The following TTC6 variants were observed in gnomAD, a reference collection of about 807,000 sequenced individuals.
The protein encoded by TTC6 is tetratricopeptide repeat protein 6.
In TTC6, 172 loss-of-function variants were observed where a neutral mutation model predicts 210.4. The ratio of observed to expected loss-of-function variants is 0.82; its 90% CI spans 0.72 to 0.93. The LOEUF (loss-of-function observed/expected upper bound fraction) is 0.93. Among genes scored for constraint, TTC6 ranks in the 40% least tolerant of loss-of-function variants. The probability of loss-of-function intolerance (pLI) is 0.00; values close to 1 mark genes in which losing one functional copy is unlikely to be tolerated. For missense variants in TTC6, 2,414 were observed against 2,318.1 expected, an observed-to-expected ratio of 1.04 and a Z score of -0.85; for synonymous variants, 804 against 819.6, an observed-to-expected ratio of 0.98 and a Z score of 0.32.
Position 37,704,518 on chromosome 14 carries a change from A to G in TTC6, c.1571+2992A>G, listed in dbSNP as rs753718757. Among the ~76,000 whole-genome samples, 118 of 152,064 alleles carry G rather than the reference A, an allele frequency of 7.8e-4. 1 individual carries two copies. The highest frequency in any genetic ancestry group is 6.8e-3 in the Middle Eastern group (2 of 292). On this transcript the variant is annotated intron_variant, in intron 5 of 30. Transcript: ENST00000553443. ...TTCTTGTAAGGTTGCACATATTTTT[A>G]GATGTCTCTTGGTTATGTGCTTTTT...
chr14:37,727,291 ATTTTTTTTTTTTTTT>A (rs368293440), intron 7 of TTC6, among the ~76,000 whole-genome samples: 1 of 92,242 alleles, frequency 1.1e-5, no homozygotes, highest in South Asian at 3.8e-4. Context: ...TATTTTTCTA[ATTTTTTTTTTTTTTT>A]TTTTTTTTGA....
At chr14:37,719,881 A>G (rs1326906160) in intron 6 of TTC6, among the ~76,000 whole-genome samples, 1 of 152,100 alleles carries the variant, frequency 6.6e-6, no homozygotes, top group African/African-American at 2.4e-5. Context: ...TTTTTTCTCT[A>G]CAAAAGACCC....
intron 1 of TTC6, among the ~76,000 whole-genome samples, chr14:37,625,477 G>A (rs2095658671): frequency 6.6e-6 from 1 of 151,932 alleles, no homozygotes; most frequent in East Asian, 1.9e-4. Flanking sequence ...GAACCCGGGA[G>A]GCGGAGGTTG....
intron 20 of TTC6, among the ~76,000 whole-genome samples, chr14:37,803,346 G>T (rs1007060707): frequency 9.2e-5 from 14 of 152,070 alleles, no homozygotes; most frequent in African/African-American, 3.4e-4. Context: ...AAATTTTTTT[G>T]AATTATATAG....
chr14:37,680,285 C>T (rs956613355), intron 2 of TTC6, 24 bp downstream of exon 4: 17 of 1,408,520 alleles, frequency 1.2e-5, no homozygotes, highest in African/African-American at 2.9e-5. Flanking sequence ...TAAAAATCCT[C>T]CTTGCCTCTG....
chr14:37,732,681 C>G (rs1212707210), intron 7 of TTC6, among the ~76,000 whole-genome samples: 2 of 151,700 alleles, frequency 1.3e-5, no homozygotes, highest in Admixed American at 6.6e-5. Context: ...TGCAGTGGCA[C>G]AATCTCGGCT....
At chr14:37,787,889 C>CTCTGTGTG (rs71433929) in intron 15 of TTC6, among the ~76,000 whole-genome samples, 1 of 147,222 alleles carries the variant, frequency 6.8e-6, no homozygotes, top group African/African-American at 2.5e-5. Context: ...GTGTGTGTGT[C>CTCTGTGTG]TGTGTGTGTG....
chr14:37,696,743 C>T (rs537171931), exon 4 of TTC6: 7 of 1,461,938 alleles, frequency 4.8e-6, no homozygotes, highest in East Asian at 2.7e-5. Context: ...TCTTGCAAAT[C>T]GAAGGAAAAG....
intron 14 of TTC6, among the ~76,000 whole-genome samples, chr14:37,787,111 G>A (rs553784419): frequency 6.6e-6 from 1 of 152,178 alleles, no homozygotes; most frequent in South Asian, 2.1e-4. Context: ...GCTTTTCTAG[G>A]AAGCAATTTT....
chr14:37,628,834 G>T (rs2095664686), intron 1 of TTC6, among the ~76,000 whole-genome samples: 2 of 152,200 alleles, frequency 1.3e-5, no homozygotes, highest in South Asian at 4.1e-4. Context: ...TGGCTAGCCA[G>T]TTTTCCCAAC....
chr14:37,685,458 A>G (rs1483107244), intron 3 of TTC6, among the ~76,000 whole-genome samples: 1 of 152,182 alleles, frequency 6.6e-6, no homozygotes, highest in Non-Finnish European at 1.5e-5. Flanking sequence ...TTTGGAGCAA[A>G]GAGAGGGGGA....
chr14:37,772,155 G>A (rs573534619), intron 14 of TTC6, among the ~76,000 whole-genome samples: 1 of 152,186 alleles, frequency 6.6e-6, no homozygotes, highest in African/African-American at 2.4e-5. Context: ...GAGGCAGTCT[G>A]CCCGTTCTCA....
intron 1 of TTC6, among the ~76,000 whole-genome samples, chr14:37,605,626 A>G (rs983743375): frequency 6.6e-6 from 1 of 152,198 alleles, no homozygotes; most frequent in African/African-American, 2.4e-5. Flanking sequence ...TTTAGGCTAC[A>G]AAGCACATAC....
intron 1 of TTC6, among the ~76,000 whole-genome samples, chr14:37,634,356 G>A (rs1261936540): frequency 6.6e-6 from 1 of 152,116 alleles, no homozygotes; most frequent in African/African-American, 2.4e-5. Context: ...CTCAGCAAAT[G>A]GGTTCATTAG....
chr14:37,650,108 G>A (rs886077703), intron 1 of TTC6, among the ~76,000 whole-genome samples: 7 of 152,198 alleles, frequency 4.6e-5, no homozygotes, highest in African/African-American at 1.7e-4. Flanking sequence ...TCCCCTTTGT[G>A]AAAGCAGGTG....
intron 25 of TTC6, 109 bp from the exon 28 acceptor site, chr14:37,817,469 A>T (rs1358244390): frequency 1.2e-6 from 1 of 859,002 alleles, no homozygotes; most frequent in Non-Finnish European, 1.9e-6. Flanking sequence ...ATTTAGGAAG[A>T]TGTATATCTT....
At chr14:37,766,038 G>A (rs919517461) in intron 14 of TTC6, among the ~76,000 whole-genome samples, 1 of 152,000 alleles carries the variant, frequency 6.6e-6, no homozygotes, top group Non-Finnish European at 1.5e-5. Context: ...GTCTCTATGT[G>A]AAACTCTTTG....
At chr14:37,670,249 A>T (rs1323355847) in intron 1 of TTC6, among the ~76,000 whole-genome samples, 1 of 152,078 alleles carries the variant, frequency 6.6e-6, no homozygotes, top group Non-Finnish European at 1.5e-5. Flanking sequence ...AAAGCTCTTT[A>T]ATTTTCTGTA....
At chr14:37,689,990 A>C (rs2095800708) in intron 3 of TTC6, among the ~76,000 whole-genome samples, 1 of 152,198 alleles carries the variant, frequency 6.6e-6, no homozygotes, top group Non-Finnish European at 1.5e-5. Context: ...ACAAAAAATA[A>C]TAACTATAAC....
Sources: gnomAD v4.1 joint callset for allele counts (sites outside exome capture counted in the v4.1 genomes callset) on GRCh38, gnomAD v4.1.1 for gene constraint, MANE v1.5 for transcripts, NCBI Gene and HGNC (gene_info 2026-07-23, HGNC 2026-07-21) for gene names.